The following HEATR4 variants were observed in gnomAD, a reference collection of about 807,000 sequenced individuals.
HEATR4 encodes HEAT repeat containing 4.
A neutral mutation model predicts 108.8 loss-of-function variants in HEATR4; 95 were observed. That is an observed-to-expected ratio of 0.87 (90% confidence interval 0.74 to 1.04). The LOEUF (loss-of-function observed/expected upper bound fraction) is 1.04, where lower values mean the gene tolerates loss of function less well. Ranked by LOEUF, HEATR4 falls within the 50% of genes least tolerant of loss-of-function variation. The pLI is 0.00. For missense variants in HEATR4, 1,152 were observed against 1,253.8 expected (o/e 0.92, Z 1.23); for synonymous variants, 443 against 459.4 (o/e 0.96, Z 0.46).
chr14:73,585,300 C>T, the HEATR4 span, among the ~76,000 whole-genome samples: 3 of 152,110 alleles, frequency 2.0e-5, no homozygotes, highest in African/African-American at 7.2e-5. Flanking sequence ...TGCTCCACCC[C>T]CTAGGACACA....
chr14:73,507,236 G>A (rs557115454), intron 9 of HEATR4, among the ~76,000 whole-genome samples: 166 of 152,288 alleles, frequency 1.1e-3, no homozygotes, highest in Middle Eastern at 3.4e-3. Context: ...TCTAGCAGAA[G>A]CAAATTCTAC....
upstream of HEATR4, among the ~76,000 whole-genome samples, chr14:73,562,424 T>C (rs1177148035): frequency 6.6e-6 from 1 of 152,042 alleles, no homozygotes; most frequent in Admixed American, 6.6e-5. Context: ...GTAAAACATG[T>C]GTTTGAACAA....
chr14:73,520,208 A>C (rs1432974979), intron 4 of HEATR4: 2 of 152,220 alleles, frequency 1.3e-5, no homozygotes, highest in Admixed American at 1.3e-4. Context: ...GAAGACCTAG[A>C]TTGAGTATCC....
the HEATR4 span, among the ~76,000 whole-genome samples, chr14:73,575,925 G>A: frequency 6.6e-6 from 1 of 152,000 alleles, no homozygotes; most frequent in Non-Finnish European, 1.5e-5. Context: ...GCTGAGGTGG[G>A]CGGATCACTT....
intron 17 of HEATR4, among the ~76,000 whole-genome samples, chr14:73,486,752 G>A (rs1885468166): frequency 6.6e-6 from 1 of 151,934 alleles, no homozygotes; most frequent in Non-Finnish European, 1.5e-5. Flanking sequence ...TTCCTTCCCA[G>A]TATATTTACA....
Position 73,481,617 on chromosome 14 carries a change from G to A in HEATR4, c.2845-2775C>T, listed in dbSNP as rs146756757. 8.5e-3 allele frequency among the ~76,000 whole-genome samples: 1,295 copies of A among 151,576 alleles called. 15 individuals carry two copies. Among genetic ancestry groups the A allele is most frequent in the African/African-American group, 0.029 (1,185 of 41,344 alleles). On this transcript the variant is annotated intron_variant, in intron 17 of 17. Coordinates refer to ENST00000553558, the MANE Select transcript of HEATR4 (RefSeq NM_001220484.1). ...AGCACTTTGGGAGGCCGACGCGGGC[G>A]GATCACGAGGTCAGGAGATCGAGAC...
At position 73,523,089 on chromosome 14, in the gene HEATR4, G is replaced by T. The variant is rs547969320; in HGVS notation, c.64C>A (p.Arg22=). 1.1e-5 allele frequency: 18 copies of T among 1,611,644 alleles called. No homozygotes were observed. The highest frequency in any genetic ancestry group is 1.4e-5 in the Non-Finnish European group (17 of 1,180,004). ...PHCFYQSLPP[R]LGWGMILNYS... ...TTTAAAATCATGCCCCATCCCAGTC[G>T]TGGGGGCAGTGACTGATAGAAGCAA... is the stretch of plus-strand genomic sequence containing the variant. Residue 22 remains arginine, a synonymous_variant, in exon 3 of 18, where the codon CGA becomes AGA. Transcript: ENST00000553558.
chr14:73,576,320 A>C, the HEATR4 span, among the ~76,000 whole-genome samples: 18 of 152,076 alleles, frequency 1.2e-4, 1 homozygote, highest in South Asian at 1.0e-3. Context: ...ACTACTAAAA[A>C]TTTTCAAAAC....
the HEATR4 span, among the ~76,000 whole-genome samples, chr14:73,618,368 CCT>C: frequency 2.6e-4 from 38 of 146,390 alleles, 2 homozygotes; most frequent in African/African-American, 1.0e-3. Context: ...AGGCCCTAAG[CCT>C]CTTTTCTGGG....
chr14:73,506,815 T>G (rs866035018), intron 9 of HEATR4, among the ~76,000 whole-genome samples: 2 of 135,532 alleles, frequency 1.5e-5, no homozygotes, highest in African/African-American at 6.4e-5. Flanking sequence ...TTTTTTTTTT[T>G]TTTTTTTTTT....
At chr14:73,508,621 C>T (rs974153675) in intron 8 of HEATR4, among the ~76,000 whole-genome samples, 8 of 151,746 alleles carry the variant, frequency 5.3e-5, no homozygotes, top group African/African-American at 1.5e-4. Context: ...TGGTGGCATG[C>T]GCCTGTAATC....
At chr14:73,485,403 A>ATT (rs35289379) in intron 17 of HEATR4, among the ~76,000 whole-genome samples, 6,871 of 140,448 alleles carry the variant, frequency 0.049, 601 homozygotes, top group African/African-American at 0.17. Flanking sequence ...ACATGGGTGA[A>ATT]TTTTTTTTTT....
rs760833500 is a variant in HEATR4 at position 73,492,062 on chromosome 14, C to T, written c.2844+1004G>A. 2 of 1,614,000 alleles carry T rather than the reference C, an allele frequency of 1.2e-6. No individual in the cohort carries two copies. The highest frequency in any genetic ancestry group is 1.7e-6 in the Non-Finnish European group (2 of 1,179,884). ...CTACGACGACATCGAGGCCTTCGTGCTGCAGCTGGAAGGTAGGAAACTCTG... is the reference window on the plus strand; with the variant it reads ...CTACGACGACATCGAGGCCTTCGTGTTGCAGCTGGAAGGTAGGAAACTCTG... On this transcript the variant is annotated intron_variant, in intron 17 of 17. Transcript: ENST00000553558. This position sits in a 1 kb window ranked among gnomAD's most constrained non-coding sequence, Gnocchi z 4.9.
the HEATR4 span, among the ~76,000 whole-genome samples, chr14:73,623,980 C>G: frequency 6.6e-6 from 1 of 152,114 alleles, no homozygotes; most frequent in Middle Eastern, 3.4e-3. Context: ...GCCTGCAGAA[C>G]CGTGAGCCAA....
the HEATR4 span, among the ~76,000 whole-genome samples, chr14:73,589,936 G>T: frequency 1.3e-5 from 2 of 152,124 alleles, no homozygotes; most frequent in African/African-American, 4.8e-5. Context: ...GGAGTTGTTC[G>T]TTCCTCCTGG....
the HEATR4 span, chr14:73,593,804 C>A: frequency 0.19 from 299,520 of 1,607,944 alleles, 32,016 homozygotes; most frequent in Non-Finnish European, 0.22. Flanking sequence ...GCCACGTTGG[C>A]TCTAGCTTAT....
At chr14:73,561,740 T>C (rs1889533528), upstream of HEATR4, among the ~76,000 whole-genome samples, 1 of 152,056 alleles carries the variant, frequency 6.6e-6, no homozygotes, top group Admixed American at 6.6e-5. Flanking sequence ...TCCCAGCACT[T>C]TGGGAGGCCG....
chr14:73,510,457 T>C (rs1249655155), intron 7 of HEATR4, among the ~76,000 whole-genome samples: 6 of 151,370 alleles, frequency 4.0e-5, no homozygotes, highest in Non-Finnish European at 8.8e-5. Flanking sequence ...TTTTTTGAGA[T>C]AGAGTTTTTG....
intron 1 of HEATR4, chr14:73,541,813 C>G (rs1291208223): frequency 1.5e-6 from 1 of 679,008 alleles, no homozygotes; most frequent in African/African-American, 1.9e-5. Flanking sequence ...ACACACACTA[C>G]CTTTTTTAGT....
Sources: allele counts gnomAD v4.1 joint callset (sites outside exome capture counted in the v4.1 genomes callset), GRCh38; gene constraint gnomAD v4.1.1; non-coding constraint Gnocchi (gnomAD v3.1); transcripts MANE v1.5; gene names NCBI Gene and HGNC (gene_info 2026-07-23, HGNC 2026-07-21).